SETBP1: variants seen among roughly 807,000 people sequenced by gnomAD.
The protein encoded by SETBP1 is SET-binding protein.
SETBP1 carries 9 observed loss-of-function variants against 101.0 expected under a neutral mutation model. The observed-to-expected ratio is 0.09, with a 90% CI of 0.05 to 0.16. The LOEUF is 0.16. Ranked by LOEUF, SETBP1 falls within the 10% of genes least tolerant of loss-of-function variation. SETBP1 has a pLI of 1.00. For synonymous variants in SETBP1, 818 were observed against 788.5 expected, an observed-to-expected ratio of 1.04 and a Z score of -0.63; for missense variants, 1,858 against 2,033.8, an observed-to-expected ratio of 0.91 and a Z score of 1.66.
At chr18:44,725,476 A>C (rs759127529) in intron 2 of SETBP1, among the ~76,000 whole-genome samples, 1 of 152,148 alleles carries the variant, frequency 6.6e-6, no homozygotes, top group Non-Finnish European at 1.5e-5. Context: ...GTCTTGACTC[A>C]ACCATAACCA....
At chr18:44,734,309 A>G (rs959251981) in intron 2 of SETBP1, among the ~76,000 whole-genome samples, 1 of 152,202 alleles carries the variant, frequency 6.6e-6, no homozygotes, top group Non-Finnish European at 1.5e-5. Flanking sequence ...ACTCTCTGCT[A>G]GTATTCGTTT....
At chr18:44,685,837 T>C (rs992952834) in intron 1 of SETBP1, among the ~76,000 whole-genome samples, 5 of 152,170 alleles carry the variant, frequency 3.3e-5, no homozygotes, top group Non-Finnish European at 7.3e-5. Flanking sequence ...CCGATGTCCA[T>C]ATAACTGTAT....
At chr18:44,814,496 C>T (rs1433866073) in intron 2 of SETBP1, among the ~76,000 whole-genome samples, 4 of 152,198 alleles carry the variant, frequency 2.6e-5, no homozygotes, top group Admixed American at 2.0e-4. Context: ...AGCAGACATA[C>T]TGTCTGTTAG....
intron 3 of SETBP1, among the ~76,000 whole-genome samples, chr18:44,924,935 T>G (rs2070665335): frequency 6.6e-6 from 1 of 151,280 alleles, no homozygotes; most frequent in Admixed American, 6.6e-5. Flanking sequence ...CAGTTCAGGA[T>G]AGGCGTGTCC....
chr18:44,738,786 A>G (rs1313966620), intron 2 of SETBP1, among the ~76,000 whole-genome samples: 1 of 151,806 alleles, frequency 6.6e-6, no homozygotes. Context: ...AAAAAAAAAA[A>G]AAAAAGAAAA....
intron 4 of SETBP1, among the ~76,000 whole-genome samples, chr18:45,028,720 G>C (rs1390215108): frequency 1.1e-4 from 17 of 152,240 alleles, no homozygotes; most frequent in Admixed American, 2.6e-4. Flanking sequence ...TTGTGAGATG[G>C]TATCTCATTG....
At chr18:44,882,830 CGTTCACATGTAT>C (rs1213849297) in intron 3 of SETBP1, among the ~76,000 whole-genome samples, 1 of 152,000 alleles carries the variant, frequency 6.6e-6, no homozygotes, top group Non-Finnish European at 1.5e-5. Flanking sequence ...TGTGTGTGTG[CGTTCACATGTAT>C]GTTTTCCCTA....
chr18:44,812,987 A>G (rs1056240585), intron 2 of SETBP1, among the ~76,000 whole-genome samples: 10 of 152,168 alleles, frequency 6.6e-5, no homozygotes, highest in African/African-American at 2.4e-4. Flanking sequence ...TTGGGGCCAC[A>G]TCAGTGACAT....
chr18:44,827,817 C>A (rs1599183329), intron 2 of SETBP1, among the ~76,000 whole-genome samples: 2 of 152,266 alleles, frequency 1.3e-5, no homozygotes, highest in East Asian at 1.9e-4. Context: ...ATTTGTTGAC[C>A]CTGTTAAGCC....
intron 2 of SETBP1, among the ~76,000 whole-genome samples, chr18:44,709,105 T>A (rs569896974): frequency 6.6e-6 from 1 of 152,354 alleles, no homozygotes; most frequent in South Asian, 2.1e-4. Context: ...TCTCTTTTTT[T>A]CTTCCTGTGT....
At chr18:44,889,376 T>C (rs983493018) in intron 3 of SETBP1, among the ~76,000 whole-genome samples, 6 of 152,198 alleles carry the variant, frequency 3.9e-5, no homozygotes, top group Admixed American at 1.3e-4. Context: ...CTAAATCCTG[T>C]TCTTTGAACC....
At chr18:44,925,654 C>T (rs148867840) in intron 3 of SETBP1, among the ~76,000 whole-genome samples, 1 of 152,202 alleles carries the variant, frequency 6.6e-6, no homozygotes, top group Non-Finnish European at 1.5e-5. Flanking sequence ...TAATTTATCC[C>T]AGCATCTCAT....
At chr18:45,025,574 C>G (rs1438179384) in intron 4 of SETBP1, among the ~76,000 whole-genome samples, 4 of 152,064 alleles carry the variant, frequency 2.6e-5, no homozygotes, top group Non-Finnish European at 5.9e-5. Context: ...CATGTGCATG[C>G]CTGCACACAA....
chr18:44,861,362 C>T (rs1276927353), intron 2 of SETBP1, among the ~76,000 whole-genome samples: 1 of 151,306 alleles, frequency 6.6e-6, no homozygotes, highest in Non-Finnish European at 1.5e-5. Context: ...CCTCAGCCTC[C>T]CGAGTAGCTG....
intron 4 of SETBP1, among the ~76,000 whole-genome samples, chr18:45,000,598 T>C (rs937124405): frequency 1.3e-5 from 2 of 152,138 alleles, no homozygotes; most frequent in African/African-American, 4.8e-5. Flanking sequence ...AAATAAAAAA[T>C]ATACATGTAT....
At chr18:44,883,630 A>G (rs1022271127) in intron 3 of SETBP1, among the ~76,000 whole-genome samples, 4 of 152,332 alleles carry the variant, frequency 2.6e-5, no homozygotes, top group Admixed American at 2.6e-4. Context: ...AAACTTACTT[A>G]CAGGATATAA....
chr18:45,053,179 G>A (rs1002562431), intron 5 of SETBP1, among the ~76,000 whole-genome samples: 18 of 152,010 alleles, frequency 1.2e-4, no homozygotes, highest in East Asian at 1.9e-4. Context: ...TAATATAAAT[G>A]TGGTGCCTTG....
At chr18:45,062,117 G>A (rs1820729114) in intron 5 of SETBP1, among the ~76,000 whole-genome samples, 1 of 152,186 alleles carries the variant, frequency 6.6e-6, no homozygotes, top group South Asian at 2.1e-4. Flanking sequence ...AGGAATGGTT[G>A]GCTATATCTT....
At chr18:44,862,563 A>G (rs569835142) in intron 2 of SETBP1, among the ~76,000 whole-genome samples, 2 of 152,258 alleles carry the variant, frequency 1.3e-5, no homozygotes, top group East Asian at 3.9e-4. Context: ...TGCCTTTTGA[A>G]TTGGAAGATT....
Sources: allele counts gnomAD v4.1 joint callset (sites outside exome capture counted in the v4.1 genomes callset), GRCh38; gene constraint gnomAD v4.1.1; transcripts MANE v1.5; gene names NCBI Gene and HGNC (gene_info 2026-07-23, HGNC 2026-07-21).